The following DDX3X variants were observed in gnomAD, a reference collection of about 807,000 sequenced individuals.
The protein encoded by DDX3X is DEAD-box helicase 3 X-linked, also known as ATP-dependent RNA helicase DDX3X.
A neutral mutation model predicts 52.7 loss-of-function variants in DDX3X; 4 were observed. That is an observed-to-expected ratio of 0.08 (90% CI 0.04 to 0.17). DDX3X has a LOEUF of 0.17. DDX3X is among the 10% of genes least tolerant of loss of function. DDX3X has a pLI of 1.00. For synonymous variants in DDX3X, 192 were observed against 178.1 expected (o/e 1.08, Z -0.62); for missense variants, 222 against 548.6 (o/e 0.40, Z 5.95).
chrX:41,336,600 T>A (rs1683954277), intron 1 of DDX3X: 1 of 111,261 alleles, frequency 9.0e-6, no homozygotes, highest in African/African-American at 3.3e-5. Context: ...CGAAACCCCA[T>A]CTCTACTAAA....
chrX:41,347,840 A>C lies in DDX3X; in HGVS notation c.*121A>C. On this transcript the variant is annotated 3_prime_UTR_variant, in exon 17 of 17. Transcript: ENST00000644876. ...AGTACATTACCAGCTGTGATTCTCC[A>C]CTGAAATTTTTTTTTTAAGGGAGCT... 6.2e-6 allele frequency: 3 copies of C among 486,602 alleles called. No homozygotes were observed. Among genetic ancestry groups the C allele is most frequent in the Non-Finnish European group, 1.0e-5 (3 of 294,364 alleles). 40.1% of individuals were successfully genotyped at this position (486,602 alleles called of 1,213,427 possible).
In DDX3X at chrX:41,341,532, A is replaced by T; in HGVS notation, c.200A>T (p.Asp67Val). The T allele has an allele frequency of 8.3e-7, 1 of 1,206,673 alleles. No homozygotes were observed. The highest frequency in any genetic ancestry group is 1.1e-6 in the Non-Finnish European group (1 of 890,716). ...SSGWSSSKDK[D>V]AYSSFGSRSD... ...GGGTGGAGTTCTAGCAAAGATAAGGATGCGTATAGCAGTTTTGGATCTCGT... is the reference window on the plus strand; with the variant it reads ...GGGTGGAGTTCTAGCAAAGATAAGGTTGCGTATAGCAGTTTTGGATCTCGT... Residue 67 changes from aspartate (D) to valine (V), a missense_variant, in exon 4 of 17, where the codon GAT becomes GTT. Asp to Val is a radical substitution (Grantham distance 152, BLOSUM62 -3). Around this residue, in one of 5 missense-constraint regions of DDX3X, gnomAD observed 93 missense variants for 123.7 expected, o/e 0.75. Coordinates refer to ENST00000644876, the MANE Select transcript of DDX3X (RefSeq NM_001356.5).
intron 12 of DDX3X, 60 bp from the exon 13 acceptor site, chrX:41,346,169 A>C: frequency 9.7e-7 from 1 of 1,033,792 alleles, no homozygotes; most frequent in Non-Finnish European, 1.3e-6. Flanking sequence ...TTGTGCATAC[A>C]TAAGTGCAAA....
rs2063947352 is a variant in DDX3X, at chrX:41,347,933, T to C, written c.*214T>C. ...TTCAGAAGGTGGTTTGAAGACTTCA[T>C]TGCTGTAGTTTGGATTAACTCCCCT... On this transcript the variant is annotated 3_prime_UTR_variant, in exon 17 of 17. Transcript: ENST00000644876. 2.7e-6 allele frequency: 1 copy of C among 372,611 alleles called. No homozygotes were observed. The allele number at this position is 372,611 out of a possible 1,213,427, so 30.7% of individuals were successfully genotyped here.
At chrX:41,333,613 T>C (rs1392126187), upstream of DDX3X, 8 of 109,741 alleles carry the variant, frequency 7.3e-5, no homozygotes, top group African/African-American at 2.7e-4. Context: ...AAGGGGAGGC[T>C]ACCCGCGGAA....
rs1465956341 is a variant in DDX3X, at chrX:41,349,903, T to TTG, written c.*2185_*2186insGT. On this transcript the variant is annotated 3_prime_UTR_variant, in exon 17 of 17. Transcript: ENST00000644876. ...TGTGGATTTTGTTTAGTTGTGTGTT[T>TTG]TTTTTTTTTTTTCAGTGAATGTCTG... The TTG allele has an allele frequency of 2.7e-5, 3 of 109,642 alleles. No homozygotes were observed. Among genetic ancestry groups the TTG allele is most frequent in the African/African-American group, 9.9e-5 (3 of 30,186 alleles). 9.0% of individuals were successfully genotyped at this position (109,642 alleles called of 1,213,427 possible).
chrX:41,340,855 T>C, intron 3 of DDX3X: 1 of 296,452 alleles, frequency 3.4e-6, no homozygotes, highest in Non-Finnish European at 5.9e-6. Context: ...ACCTATAAAA[T>C]GAATGGAAAT....
intron 1 of DDX3X, chrX:41,334,596 C>T: frequency 9.2e-7 from 1 of 1,081,855 alleles, no homozygotes; most frequent in Non-Finnish European, 1.2e-6. Context: ...GACGCGCATG[C>T]GCGAATCCCG....
In DDX3X at chrX:41,348,392, CATG is replaced by C. The variant is rs2063952838; in HGVS notation, c.*678_*680del. On this transcript the variant is annotated 3_prime_UTR_variant, in exon 17 of 17. Coordinates refer to ENST00000644876, the MANE Select transcript of DDX3X (RefSeq NM_001356.5). ...CTGATAGTCTTTAAGCCATTCCAGT[CATG>C]ATGAGGTGATGTATGAATACATGCA... The C allele has an allele frequency of 8.8e-6, 1 of 113,014 alleles. No individual in the cohort carries two copies. The highest frequency in any genetic ancestry group is 2.7e-4 in the East Asian group (1 of 3,638). The allele number at this position is 113,014 out of a possible 1,213,427, so 9.3% of individuals were successfully genotyped here. A position where few individuals can be genotyped will look rare whatever the true frequency, so the allele number is the denominator to read the frequency against.
intron 15 of DDX3X, 31 bp from the exon 16 acceptor site, chrX:41,347,281 C>T: frequency 8.4e-7 from 1 of 1,184,951 alleles, no homozygotes; most frequent in Admixed American, 2.4e-5. Flanking sequence ...ATTTCATCTT[C>T]ATGTGAACCA....
At chrX:41,343,568 TCA>T (rs754497446) in intron 7 of DDX3X, 167 bp from the exon 8 acceptor site, 62 of 539,233 alleles carry the variant, frequency 1.1e-4, no homozygotes, top group Non-Finnish European at 1.7e-4. Context: ...CAAAATAGTC[TCA>T]GTTTGCTGAC....
At chrX:41,345,052 C>A in intron 10 of DDX3X, 128 bp from the exon 11 acceptor site, 1 of 655,073 alleles carries the variant, frequency 1.5e-6, no homozygotes, top group Non-Finnish European at 2.3e-6. Context: ...GAGGCACCAT[C>A]TTAATGAATA....
At chrX:41,339,315 G>C in intron 3 of DDX3X, 1 of 185,044 alleles carries the variant, frequency 5.4e-6, no homozygotes, top group Non-Finnish European at 1.0e-5. Flanking sequence ...CCAAGGGCAT[G>C]GTTTTGTACA....
intron 5 of DDX3X, among the ~76,000 whole-genome samples, chrX:41,361,422 G>C (rs1190394031): frequency 1.8e-5 from 2 of 110,846 alleles, no homozygotes; most frequent in East Asian, 5.7e-4. Flanking sequence ...TGAGGCAGGA[G>C]AATCACTTGA....
chrX:41,339,020 A>G lies in DDX3X; in HGVS notation c.104-16A>G, dbSNP rs2063810308. ...TTGGCATTTAATTAATTTTATATAT[A>G]TATATATTTTTTTAGAAGGGCGCTA... On this transcript the variant is annotated splice_polypyrimidine_tract_variant and intron_variant, in intron 2 of 16. Transcript: ENST00000644876. 3 of 821,282 alleles carry G rather than the reference A, an allele frequency of 3.7e-6. No homozygotes were observed. The highest frequency in any genetic ancestry group is 4.2e-5 in the South Asian group (1 of 23,911). 67.7% of individuals were successfully genotyped at this position (821,282 alleles called of 1,213,427 possible).
Position 41,344,416 on chromosome X carries a change from TTTTG to T in DDX3X, c.1025+21_1025+24del. 2.5e-6 allele frequency: 3 copies of T among 1,202,858 alleles called. No homozygotes were observed. The highest frequency in any genetic ancestry group is 1.1e-6 in the Non-Finnish European group (1 of 889,132). On this transcript the variant is annotated intron_variant, in intron 10 of 16. Coordinates refer to ENST00000644876, the MANE Select transcript of DDX3X (RefSeq NM_001356.5). Reference sequence around the variant, plus strand: ...CTTTTGCAAGTATGTTTTATTTTGTTTTTGTTTTTTTGTTTTGTTTTGTTTTGTT... The same window carrying T: ...CTTTTGCAAGTATGTTTTATTTTGTTTTTTTTTGTTTTGTTTTGTTTTGTT...
At chrX:41,339,139 T>G in intron 3 of DDX3X, 56 bp downstream of exon 3, 5 of 717,590 alleles carry the variant, frequency 7.0e-6, no homozygotes, top group Non-Finnish European at 7.9e-6. Context: ...TAGAAGTTAG[T>G]AAAGCCTAAG....
exon 6 of DDX3X, chrX:41,364,406 C>T: frequency 3.4e-6 from 1 of 296,749 alleles, no homozygotes; most frequent in Non-Finnish European, 5.9e-6. Flanking sequence ...CCGTGCCCAG[C>T]CTGAGCTGTT....
At chrX:41,353,640 A>G (rs1443779034), downstream of DDX3X, among the ~76,000 whole-genome samples, 3 of 107,481 alleles carry the variant, frequency 2.8e-5, no homozygotes, top group South Asian at 4.1e-4. Context: ...GCGTGGTGGC[A>G]AGCGCTTATA....
Sources: allele counts gnomAD v4.1 joint callset (sites outside exome capture counted in the v4.1 genomes callset), GRCh38; gene constraint gnomAD v4.1.1; regional missense constraint gnomAD v4.1.1; transcripts MANE v1.5; gene names NCBI Gene and HGNC (gene_info 2026-07-23, HGNC 2026-07-21).